The following SPAG17 variants were observed in gnomAD, a reference collection of about 807,000 sequenced individuals.
SPAG17 encodes sperm-associated antigen 17.
SPAG17 carries 169 observed loss-of-function variants against 273.6 expected under a neutral mutation model. The ratio of observed to expected loss-of-function variants is 0.62; its 90% confidence interval spans 0.55 to 0.70. The LOEUF (loss-of-function observed/expected upper bound fraction) is 0.70. Among genes scored for constraint, SPAG17 ranks in the 30% least tolerant of loss-of-function variants. The pLI is 0.00. For missense variants in SPAG17, 2,557 were observed against 2,627.8 expected, an observed-to-expected ratio of 0.97 and a Z score of 0.59; for synonymous variants, 825 against 873.2, an observed-to-expected ratio of 0.94 and a Z score of 0.97.
At chr1:118,139,566 C>T (rs1054053394) in intron 3 of SPAG17, among the ~76,000 whole-genome samples, 8 of 152,138 alleles carry the variant, frequency 5.3e-5, no homozygotes, top group South Asian at 2.1e-4. Context: ...TCAATCTAAG[C>T]GTTCATCAAC....
Position 117,991,539 on chromosome 1 carries a change from A to G in SPAG17, c.5362-11T>C. ...ATAGTTTATGTAATCCTAAATCAGC[A>G]GAATAAAATACATAGACAAAAACTA... On this transcript the variant is annotated splice_polypyrimidine_tract_variant and intron_variant, in intron 36 of 48. Coordinates refer to ENST00000336338, the MANE Select transcript of SPAG17 (RefSeq NM_206996.4). The G allele has an allele frequency of 6.6e-7, 1 of 1,508,384 alleles. No homozygotes were observed. Among genetic ancestry groups the G allele is most frequent in the Non-Finnish European group, 9.2e-7 (1 of 1,092,000 alleles). 93.4% of individuals were successfully genotyped at this position (1,508,384 alleles called of 1,614,324 possible).
intron 48 of SPAG17, chr1:117,962,925 A>G (rs978460056): frequency 7.9e-5 from 12 of 152,246 alleles, no homozygotes; most frequent in Non-Finnish European, 1.3e-4. Context: ...TGTGAGCAGA[A>G]GCTTAATGAA....
chr1:117,983,241 C>T (rs569546466), intron 42 of SPAG17, among the ~76,000 whole-genome samples: 8 of 152,250 alleles, frequency 5.3e-5, no homozygotes, highest in Non-Finnish European at 8.8e-5. Context: ...TTCACTATCA[C>T]GAGAACAGCA....
At chr1:117,988,644 G>C (rs577897413) in intron 38 of SPAG17, among the ~76,000 whole-genome samples, 1 of 152,032 alleles carries the variant, frequency 6.6e-6, no homozygotes, top group Non-Finnish European at 1.5e-5. Context: ...CACAAAACAC[G>C]CTCTTGGTGG....
chr1:118,096,388 T>C (rs1198318130), intron 7 of SPAG17, among the ~76,000 whole-genome samples: 1 of 151,166 alleles, frequency 6.6e-6, no homozygotes, highest in Non-Finnish European at 1.5e-5. Context: ...CCACAGTCAC[T>C]GTGCAGACAC....
At chr1:118,115,615 G>A (rs1291970071) in intron 3 of SPAG17, among the ~76,000 whole-genome samples, 174 bp from the exon 4 acceptor site, 1 of 151,988 alleles carries the variant, frequency 6.6e-6, no homozygotes. Context: ...TACAGAGAGG[G>A]GCATTTACCC....
chr1:118,170,719 C>A (rs1660383002), intron 1 of SPAG17, among the ~76,000 whole-genome samples: 1 of 152,160 alleles, frequency 6.6e-6, no homozygotes, highest in African/African-American at 2.4e-5. Context: ...TGTTACATGG[C>A]TGACAATCAG....
At chr1:118,031,550 G>C (rs1648468463) in intron 25 of SPAG17, 142 bp downstream of exon 25, 1 of 874,520 alleles carries the variant, frequency 1.1e-6, no homozygotes, top group Non-Finnish European at 1.7e-6. Flanking sequence ...TCTATTCAAA[G>C]TTGAGACTAC....
intron 29 of SPAG17, among the ~76,000 whole-genome samples, chr1:118,012,883 A>G (rs10923470): frequency 0.069 from 10,526 of 152,224 alleles, 566 homozygotes; most frequent in East Asian, 0.31. Flanking sequence ...TAGCCTCTCT[A>G]TGTCAAGTTG....
intron 13 of SPAG17, among the ~76,000 whole-genome samples, 183 bp downstream of exon 13, chr1:118,085,739 A>G (rs1654946451): frequency 1.3e-5 from 2 of 152,262 alleles, no homozygotes; most frequent in Admixed American, 6.5e-5. Flanking sequence ...CATTATAGCT[A>G]TGATAACATT....
At chr1:118,043,516 A>G (rs1441642182) in intron 20 of SPAG17, among the ~76,000 whole-genome samples, 1 of 152,180 alleles carries the variant, frequency 6.6e-6, no homozygotes, top group African/African-American at 2.4e-5. Context: ...ACATTTCACT[A>G]TTGTCTATGC....
At chr1:118,147,291 C>A (rs1488101185) in intron 3 of SPAG17, among the ~76,000 whole-genome samples, 1 of 152,102 alleles carries the variant, frequency 6.6e-6, no homozygotes, top group Non-Finnish European at 1.5e-5. Context: ...TTCGGTAAAA[C>A]CGGCTACTAT....
intron 28 of SPAG17, among the ~76,000 whole-genome samples, chr1:118,021,252 A>G (rs950651302): frequency 2.0e-5 from 3 of 152,204 alleles, no homozygotes; most frequent in African/African-American, 7.2e-5. Flanking sequence ...CCATAAAAAG[A>G]CAGGGAGGAA....
chr1:117,986,408 TTCTC>T (rs1195319692), intron 40 of SPAG17, among the ~76,000 whole-genome samples: 7 of 152,234 alleles, frequency 4.6e-5, no homozygotes, highest in African/African-American at 1.4e-4. Flanking sequence ...CCTTGAAACT[TTCTC>T]TTTCCTTGAC....
intron 1 of SPAG17, among the ~76,000 whole-genome samples, chr1:118,155,845 G>C (rs774481570): frequency 1.3e-5 from 2 of 152,118 alleles, no homozygotes; most frequent in Admixed American, 6.6e-5. Flanking sequence ...CTCATACCAG[G>C]TTTTTCCTTC....
In SPAG17 at chr1:118,055,919, A is replaced by G. The variant is rs1323594643; in HGVS notation, c.2541-5T>C. 1 of 1,600,092 alleles carries G rather than the reference A, an allele frequency of 6.2e-7. No homozygotes were observed. On this transcript the variant is annotated splice_polypyrimidine_tract_variant and splice_region_variant and intron_variant, in intron 18 of 48. Transcript: ENST00000336338. The stretch of plus-strand genomic sequence containing the variant: ...GCAACAAGTTCCAAATAATTCCTAA[A>G]CAAACCAATAGCAGACGTCAATTGA...
At chr1:118,174,985 T>A (rs939543132) in intron 1 of SPAG17, among the ~76,000 whole-genome samples, 4 of 151,728 alleles carry the variant, frequency 2.6e-5, no homozygotes, top group Middle Eastern at 3.4e-3. Flanking sequence ...GCAGCAGATA[T>A]GTGAATAGAT....
At position 117,953,978 on chromosome 1, in the gene SPAG17, T is replaced by A; in HGVS notation, c.*72A>T. 6.3e-7 allele frequency: 1 copy of A among 1,581,856 alleles called. No homozygotes were observed. The highest frequency in any genetic ancestry group is 8.6e-7 in the Non-Finnish European group (1 of 1,159,908). ...CCTGGGATGATGGAGTATGTTGTGA[T>A]GACTTCTTTCCTTTCTCATCCTCTG... is the stretch of plus-strand genomic sequence containing the variant. On this transcript the variant is annotated 3_prime_UTR_variant, in exon 49 of 49. Transcript: ENST00000336338.
chr1:118,122,800 C>T (rs145807716), intron 3 of SPAG17, among the ~76,000 whole-genome samples: 2 of 152,288 alleles, frequency 1.3e-5, no homozygotes, highest in African/African-American at 4.8e-5. Flanking sequence ...TCACTAAAGT[C>T]AGTACTTATG....
Sources: allele counts gnomAD v4.1 joint callset (sites outside exome capture counted in the v4.1 genomes callset), GRCh38; gene constraint gnomAD v4.1.1; transcripts MANE v1.5; gene names NCBI Gene and HGNC (gene_info 2026-07-23, HGNC 2026-07-21).